The following MIA2 variants were observed in gnomAD, a reference collection of about 807,000 sequenced individuals.
MIA2 encodes the protein melanoma inhibitory activity protein 2.
MIA2 carries 127 observed loss-of-function variants against 167.8 expected under a neutral mutation model. The observed-to-expected ratio is 0.76, with a 90% confidence interval of 0.66 to 0.88. MIA2 has a LOEUF of 0.88. Ranked by LOEUF, MIA2 falls within the 40% of genes least tolerant of loss-of-function variation. The pLI is 0.00. For missense variants in MIA2, 1,690 were observed against 1,624.7 expected (o/e 1.04, Z -0.69); for synonymous variants, 552 against 541.9 (o/e 1.02, Z -0.26).
At chr14:39,325,281 C>G (rs1027061964) in intron 24 of MIA2, among the ~76,000 whole-genome samples, 5 of 151,562 alleles carry the variant, frequency 3.3e-5, no homozygotes, top group Non-Finnish European at 5.9e-5. Flanking sequence ...CTTTTGTTTT[C>G]TGGACAATAT....
In MIA2 at chr14:39,286,547, T is replaced by C. The variant is rs528670616; in HGVS notation, c.2131-4472T>C. On this transcript the variant is annotated intron_variant, in intron 9 of 28. Coordinates refer to ENST00000640607, the MANE Select transcript of MIA2 (RefSeq NM_001329214.4). ...TTTTGTTTTGATATTATATCCTGCATCTTTACTGAATTCAGTTATTATATC... is the reference window on the plus strand; with the variant it reads ...TTTTGTTTTGATATTATATCCTGCACCTTTACTGAATTCAGTTATTATATC... Among the ~76,000 whole-genome samples the C allele has an allele frequency of 1.6e-4, 24 of 152,336 alleles. No individual in the cohort carries two copies. In the South Asian group the frequency reaches 4.6e-3, roughly 29 times the overall value.
At chr14:39,363,873 T>C (rs529101888) in intron 23 of MIA2, among the ~76,000 whole-genome samples, 6 of 152,196 alleles carry the variant, frequency 3.9e-5, no homozygotes, top group Non-Finnish European at 7.4e-5. Context: ...TTTTTTCAAC[T>C]TAAAAAGCTG....
chr14:39,337,516 A>G (rs1214490135), intron 25 of MIA2, among the ~76,000 whole-genome samples: 2 of 152,216 alleles, frequency 1.3e-5, no homozygotes, highest in African/African-American at 2.4e-5. Context: ...ACATTTTACA[A>G]GACAGATTGT....
At position 39,302,196 on chromosome 14, in the gene MIA2, A is replaced by G. The variant is rs760062276; in HGVS notation, c.2687A>G (p.Asp896Gly). ...ATGCTTGGAGAAGACATAACGGATG[A>G]TGATAACTTGGAATTAGAAATGAAC... is the stretch of plus-strand genomic sequence containing the variant. ...AAMLGEDITD[D>G]DNLELEMNSE... Residue 896 changes from aspartate to glycine, a missense_variant, in exon 15 of 29, where the codon GAT becomes GGT. Asp to Gly is a moderately conservative substitution (Grantham distance 94, BLOSUM62 -1). Transcript: ENST00000640607. 5 of 1,613,890 alleles carry G rather than the reference A, an allele frequency of 3.1e-6. No individual in the cohort carries two copies. In the African/African-American group the frequency reaches 4.0e-5, roughly 13 times the overall value.
At chr14:39,239,207 C>A (rs2152607418) in intron 2 of MIA2, among the ~76,000 whole-genome samples, 2 of 152,256 alleles carry the variant, frequency 1.3e-5, no homozygotes, top group South Asian at 4.1e-4. Context: ...GCTTGTCTGG[C>A]CTCTGCAGTT....
intron 23 of MIA2, chr14:39,386,797 T>C (rs551411330): frequency 1.9e-6 from 2 of 1,074,798 alleles, no homozygotes; most frequent in Admixed American, 3.4e-5. Flanking sequence ...AGTGATAGAT[T>C]AGTGTCACCA....
intron 25 of MIA2, among the ~76,000 whole-genome samples, chr14:39,340,161 T>C (rs1261770822): frequency 4.6e-5 from 7 of 152,170 alleles, no homozygotes; most frequent in African/African-American, 1.7e-4. Flanking sequence ...TTTTGAGCTT[T>C]AGTATTCCTA....
At chr14:39,238,811 A>AAAAAAAACAAAAAAC in intron 2 of MIA2, among the ~76,000 whole-genome samples, 2 of 103,606 alleles carry the variant, frequency 1.9e-5, no homozygotes, top group African/African-American at 3.9e-5. Flanking sequence ...AAAAAAAAAA[A>AAAAAAAACAAAAAAC]CCCAAAAAAC....
intron 6 of MIA2, among the ~76,000 whole-genome samples, chr14:39,259,323 C>A (rs2054968000): frequency 6.6e-6 from 1 of 152,158 alleles, no homozygotes; most frequent in Non-Finnish European, 1.5e-5. Flanking sequence ...AGAAGCAGTT[C>A]CACCCAGTCC....
intron 6 of MIA2, among the ~76,000 whole-genome samples, chr14:39,258,095 G>A (rs1238145863): frequency 1.3e-5 from 2 of 152,136 alleles, no homozygotes; most frequent in Non-Finnish European, 2.9e-5. Flanking sequence ...TATGCTAGTG[G>A]TGTTCTCTGT....
At chr14:39,288,467 ATATATATAT>A (rs2060209889) in intron 9 of MIA2, among the ~76,000 whole-genome samples, 1 of 51,584 alleles carries the variant, frequency 1.9e-5, no homozygotes, top group African/African-American at 1.0e-4. Flanking sequence ...ATATATATAT[ATATATATAT>A]TTTTTTTTTT....
At chr14:39,252,990 C>T (rs1330814521) in intron 5 of MIA2, 24 bp downstream of exon 5, 2 of 1,570,068 alleles carry the variant, frequency 1.3e-6, no homozygotes, top group African/African-American at 1.4e-5. Flanking sequence ...TATTTATTCT[C>T]TAATGCATCA....
chr14:39,357,882 G>A (rs36156566), intron 23 of MIA2, among the ~76,000 whole-genome samples: 1 of 151,500 alleles, frequency 6.6e-6, no homozygotes, highest in Non-Finnish European at 1.5e-5. Flanking sequence ...ATATTGGCCC[G>A]CACTCTCTTC....
rs188652512 is a variant in MIA2 at position 39,365,223 on chromosome 14, G to A, written c.2248+16246G>A. On this transcript the variant is annotated intron_variant, in intron 23 of 23. Transcript: ENST00000341502. ...TGGGATTACAGGCATGCGCCACCAAGCCTGGCTAATTTTTGTATCTTTAGT... is the reference window on the plus strand; with the variant it reads ...TGGGATTACAGGCATGCGCCACCAAACCTGGCTAATTTTTGTATCTTTAGT... Among the ~76,000 whole-genome samples the A allele has an allele frequency of 2.6e-4, 40 of 152,120 alleles. 1 individual carries two copies. The highest frequency in any genetic ancestry group is 3.4e-3 in the Middle Eastern group (1 of 294).
chr14:39,332,782 A>C (rs565946226), intron 25 of MIA2, among the ~76,000 whole-genome samples: 61 of 152,016 alleles, frequency 4.0e-4, no homozygotes, highest in Non-Finnish European at 6.9e-4. Context: ...GAGATGAACC[A>C]GGTACCTCAG....
At position 39,348,961 on chromosome 14, in the gene MIA2, A is replaced by G; in HGVS notation, c.4056A>G (p.Pro1352=). 1 of 1,613,466 alleles carries G rather than the reference A, an allele frequency of 6.2e-7. No homozygotes were observed. Among genetic ancestry groups the G allele is most frequent in the Non-Finnish European group, 8.5e-7 (1 of 1,179,458 alleles). ...YFPPGDFPGP[P]PAPFAMRNVY... is the part of the protein sequence containing the mutation. ...CACCAGGGGATTTCCCAGGTCCACC[A>G]CCTGCTCCATTTGCAAGTATGCTTT... The change falls in exon 28 of 29, where the codon CCA becomes CCG. Residue 1352 remains proline, a synonymous_variant. Transcript: ENST00000640607.
At chr14:39,321,868 C>T (rs1234270841) in intron 24 of MIA2, among the ~76,000 whole-genome samples, 4 of 151,340 alleles carry the variant, frequency 2.6e-5, no homozygotes. Flanking sequence ...AGCTTGGATT[C>T]TCCTGCCTCA....
At chr14:39,375,788 C>G (rs1049976871) in intron 23 of MIA2, among the ~76,000 whole-genome samples, 4 of 152,164 alleles carry the variant, frequency 2.6e-5, no homozygotes, top group African/African-American at 9.7e-5. Flanking sequence ...TATTGCTTCA[C>G]TGAACAAAAT....
chr14:39,318,367 G>A lies in MIA2; in HGVS notation c.3284+356G>A, dbSNP rs575958931. 4.6e-5 allele frequency among the ~76,000 whole-genome samples: 7 copies of A among 152,194 alleles called. No homozygotes were observed. In the South Asian group the frequency reaches 8.3e-4, roughly 18 times the overall value. Reference sequence around the variant, plus strand: ...GCCTCTTTTAATGGATAAGTAGATAGGATAATATTCATTAATTTCTCTCAT... The same window carrying A: ...GCCTCTTTTAATGGATAAGTAGATAAGATAATATTCATTAATTTCTCTCAT... On this transcript the variant is annotated intron_variant, in intron 22 of 28. Transcript: ENST00000640607.
Sources: gnomAD v4.1 joint callset for allele counts (sites outside exome capture counted in the v4.1 genomes callset) on GRCh38, gnomAD v4.1.1 for gene constraint, MANE v1.5 for transcripts, NCBI Gene and HGNC (gene_info 2026-07-23, HGNC 2026-07-21) for gene names.